The following GFPT1 variants were observed in gnomAD, a reference collection of about 807,000 sequenced individuals.
GFPT1 encodes glutamine--fructose-6-phosphate transaminase 1, also known as glutamine--fructose-6-phosphate aminotransferase [isomerizing] 1.
A neutral mutation model predicts 92.0 loss-of-function variants in GFPT1; 40 were observed. The ratio of observed to expected loss-of-function variants is 0.43; its 90% CI spans 0.34 to 0.57. The LOEUF is 0.57. Among genes scored for constraint, GFPT1 ranks in the 20% least tolerant of loss-of-function variants. GFPT1 has a pLI of 0.02. For synonymous variants in GFPT1, 269 were observed against 280.6 expected, an observed-to-expected ratio of 0.96 and a Z score of 0.41; for missense variants, 448 against 869.1, an observed-to-expected ratio of 0.52 and a Z score of 6.09.
At chr2:69,357,258 G>C (rs1480561667) in intron 6 of GFPT1, among the ~76,000 whole-genome samples, 1 of 118,390 alleles carries the variant, frequency 8.4e-6, no homozygotes, top group African/African-American at 3.6e-5. Context: ...CCTATTCTCT[G>C]CCCTAGTAAT....
intron 18 of GFPT1, 123 bp downstream of exon 18, chr2:69,328,148 T>A: frequency 1.2e-5 from 8 of 664,004 alleles, no homozygotes; most frequent in East Asian, 3.2e-5. Context: ...CATGTAAACC[T>A]CAAAGGCTGT....
At chr2:69,386,942 C>A in intron 1 of GFPT1, 123 bp downstream of exon 1, 1 of 805,546 alleles carries the variant, frequency 1.2e-6, no homozygotes. Context: ...GCGCCCCTTG[C>A]CCATCACCCA....
intron 15 of GFPT1, among the ~76,000 whole-genome samples, chr2:69,330,052 TA>T (rs1170445961): frequency 6.6e-6 from 1 of 151,584 alleles, no homozygotes; most frequent in African/African-American, 2.4e-5. Flanking sequence ...ACCCTGTCTC[TA>T]AAAAAAATAC....
In GFPT1 at chr2:69,350,171, T is replaced by C; in HGVS notation, c.752A>G (p.Lys251Arg). ...GSQGERGKDK[K>R]GSCNLSRVDS... ...CACACGAGAGAGATTGCAGCTTCCT[T>C]TCTTGTCTTTGCCTAAAGCATATAG... is the stretch of plus-strand genomic sequence containing the variant. Residue 251 changes from lysine (K) to arginine (R), a missense_variant, in exon 10 of 20, where the codon AAA becomes AGA. Lys to Arg is a conservative substitution (Grantham distance 26). Around this residue, in one of 7 missense-constraint regions of GFPT1, gnomAD observed 118 missense variants for 192.9 expected, o/e 0.61. Transcript: ENST00000357308. 6.2e-7 allele frequency: 1 copy of C among 1,612,680 alleles called. No individual in the cohort carries two copies. The highest frequency in any genetic ancestry group is 8.5e-7 in the Non-Finnish European group (1 of 1,178,688).
At chr2:69,352,750 T>TA (rs1448401710) in intron 9 of GFPT1, among the ~76,000 whole-genome samples, 9 of 151,236 alleles carry the variant, frequency 6.0e-5, no homozygotes, top group East Asian at 5.9e-4. Flanking sequence ...TTAAAATATG[T>TA]AAAAAAAATT....
chr2:69,339,694 G>A (rs1180936300), intron 13 of GFPT1, among the ~76,000 whole-genome samples: 1 of 152,018 alleles, frequency 6.6e-6, no homozygotes, highest in Non-Finnish European at 1.5e-5. Flanking sequence ...GAACTTAAAG[G>A]TGCCCTTATT....
intron 2 of GFPT1, among the ~76,000 whole-genome samples, chr2:69,372,198 CAAAAAAAAAAA>C (rs534920006): frequency 1.9e-5 from 1 of 52,736 alleles, no homozygotes; most frequent in Non-Finnish European, 4.1e-5. Context: ...GACTCCATCT[CAAAAAAAAAAA>C]AAAAAAAAAG....
At chr2:69,361,016 T>G (rs1004061537) in intron 4 of GFPT1, among the ~76,000 whole-genome samples, 12 of 152,130 alleles carry the variant, frequency 7.9e-5, no homozygotes, top group African/African-American at 1.2e-4. Context: ...ATTACAGGCA[T>G]GAGTCACCAC....
At chr2:69,363,405 C>T (rs1671523158) in intron 4 of GFPT1, 140 bp downstream of exon 4, 4 of 878,610 alleles carry the variant, frequency 4.6e-6, no homozygotes, top group Non-Finnish European at 1.8e-6. Flanking sequence ...CTCTCAGCTC[C>T]ATATGCTCTC....
rs2104584002 is a variant in GFPT1, at chr2:69,320,117, G to C, written c.*6072C>G. 6.6e-6 allele frequency: 1 copy of C among 152,294 alleles called. No individual in the cohort carries two copies. Among genetic ancestry groups the C allele is most frequent in the South Asian group, 2.1e-4 (1 of 4,824 alleles). The allele number at this position is 152,294 out of a possible 1,614,324, so 9.4% of individuals were successfully genotyped here. Reference sequence around the variant, plus strand: ...AATGACAGATGCGACACTGGAAAGAGGACAACAATGTAACCTAAAAGGGAG... The same window carrying C: ...AATGACAGATGCGACACTGGAAAGACGACAACAATGTAACCTAAAAGGGAG... On this transcript the variant is annotated 3_prime_UTR_variant, in exon 20 of 20. Coordinates refer to ENST00000357308, the MANE Select transcript of GFPT1 (RefSeq NM_001244710.2).
intron 1 of GFPT1, among the ~76,000 whole-genome samples, chr2:69,379,538 A>T (rs1358342843): frequency 6.6e-6 from 1 of 151,544 alleles, no homozygotes; most frequent in Non-Finnish European, 1.5e-5. Flanking sequence ...TATTTGAGAT[A>T]CATTTTCTTT....
At chr2:69,380,135 C>T (rs948289912) in intron 1 of GFPT1, among the ~76,000 whole-genome samples, 25 of 151,838 alleles carry the variant, frequency 1.6e-4, no homozygotes, top group African/African-American at 4.1e-4. Flanking sequence ...GTCAGGAGTT[C>T]GAGATCAGCC....
At chr2:69,374,285 C>T (rs1484841755) in intron 1 of GFPT1, among the ~76,000 whole-genome samples, 172 bp from the exon 2 acceptor site, 1 of 151,188 alleles carries the variant, frequency 6.6e-6, no homozygotes, top group Non-Finnish European at 1.5e-5. Context: ...GTATAAAAAA[C>T]TAAACATGTC....
rs1451251039 is a variant in GFPT1, at chr2:69,322,410, C to T, written c.*3779G>A. On this transcript the variant is annotated 3_prime_UTR_variant, in exon 20 of 20. Coordinates refer to ENST00000357308, the MANE Select transcript of GFPT1 (RefSeq NM_001244710.2). ...TTTTTTAAAAGGGGAAAAAAAAACC[C>T]AGAGAACTTATTAAAATGTTTGTTA... The T allele has an allele frequency of 1.3e-5, 2 of 151,776 alleles. No homozygotes were observed. The highest frequency in any genetic ancestry group is 4.8e-5 in the African/African-American group (2 of 41,314). The allele number at this position is 151,776 out of a possible 1,614,324, so 9.4% of individuals were successfully genotyped here. A position where few individuals can be genotyped will look rare whatever the true frequency, so the allele number is the denominator to read the frequency against.
At chr2:69,338,961 A>G (rs1670870095) in intron 13 of GFPT1, among the ~76,000 whole-genome samples, 1 of 152,000 alleles carries the variant, frequency 6.6e-6, no homozygotes, top group Non-Finnish European at 1.5e-5. Flanking sequence ...CACCATGCCC[A>G]GCTTAGTAGA....
chr2:69,334,176 T>A (rs545440073), intron 15 of GFPT1, among the ~76,000 whole-genome samples: 1 of 151,986 alleles, frequency 6.6e-6, no homozygotes, highest in South Asian at 2.1e-4. Flanking sequence ...ATAATAATAG[T>A]AATAATAATC....
intron 12 of GFPT1, among the ~76,000 whole-genome samples, chr2:69,344,789 AC>A (rs1175473698): frequency 6.6e-6 from 1 of 151,776 alleles, no homozygotes; most frequent in Non-Finnish European, 1.5e-5. Context: ...GGCTACAGGC[AC>A]CCACCACCAC....
chr2:69,379,088 T>C (rs1314521676), intron 1 of GFPT1, among the ~76,000 whole-genome samples: 2 of 152,116 alleles, frequency 1.3e-5, no homozygotes, highest in East Asian at 1.9e-4. Flanking sequence ...CTATTAAAAT[T>C]TGAAATAAAT....
At chr2:69,335,305 C>G (rs1397794988) in intron 15 of GFPT1, among the ~76,000 whole-genome samples, 1 of 152,084 alleles carries the variant, frequency 6.6e-6, no homozygotes, top group African/African-American at 2.4e-5. Flanking sequence ...CTGCACCCAG[C>G]CTGTATGTAA....
Sources: gnomAD v4.1 joint callset for allele counts (sites outside exome capture counted in the v4.1 genomes callset) on GRCh38, gnomAD v4.1.1 for gene constraint, gnomAD v4.1.1 regional missense constraint, MANE v1.5 for transcripts, NCBI Gene and HGNC (gene_info 2026-07-23, HGNC 2026-07-21) for gene names.